The following LAMC1 variants were observed in gnomAD, a reference collection of about 807,000 sequenced individuals.
LAMC1 encodes laminin subunit gamma 1, also known as laminin subunit gamma-1.
Under a neutral mutation model 173.6 loss-of-function variants are expected in LAMC1, and 38 were observed. The observed-to-expected ratio is 0.22, with a 90% CI of 0.17 to 0.29. The LOEUF (loss-of-function observed/expected upper bound fraction) is 0.29. Ranked by LOEUF, LAMC1 falls within the 10% of genes least tolerant of loss-of-function variation. The probability of loss-of-function intolerance (pLI) is 1.00; values close to 1 mark genes in which losing one functional copy is unlikely to be tolerated. For synonymous variants in LAMC1, 746 were observed against 749.1 expected, an observed-to-expected ratio of 1.00 and a Z score of 0.07; for missense variants, 1,824 against 2,051.8, an observed-to-expected ratio of 0.89 and a Z score of 2.14.
intron 2 of LAMC1, 41 bp from the exon 3 acceptor site, chr1:183,108,235 C>T (rs1354492018): frequency 1.3e-6 from 2 of 1,594,422 alleles, no homozygotes; most frequent in Admixed American, 1.7e-5. Context: ...TTTTCAGTCC[C>T]TCCACTTCTC....
intron 1 of LAMC1, among the ~76,000 whole-genome samples, chr1:183,091,484 C>T (rs1247365243): frequency 6.6e-6 from 1 of 152,118 alleles, no homozygotes; most frequent in Non-Finnish European, 1.5e-5. Context: ...CTACCTCCCT[C>T]CCTCTGCCCT....
Position 183,109,539 on chromosome 1 carries a change from A to G in LAMC1, c.855-949A>G, listed in dbSNP as rs1656082960. On this transcript the variant is annotated intron_variant, in intron 3 of 27. Coordinates refer to ENST00000258341, the MANE Select transcript of LAMC1 (RefSeq NM_002293.4). ...AAATAAAGAAGATGAGCTAAACTGA[A>G]GAGTTTGGTTATACATATGTAAAAT... is the stretch of plus-strand genomic sequence containing the variant. Among the ~76,000 whole-genome samples, 3 of 152,224 alleles carry G rather than the reference A, an allele frequency of 2.0e-5. 1 individual carries two copies. The South Asian group carries it at 6.2e-4, about 32-fold the overall frequency.
chr1:183,062,232 C>T (rs376705961), intron 1 of LAMC1, among the ~76,000 whole-genome samples: 8 of 152,128 alleles, frequency 5.3e-5, no homozygotes, highest in East Asian at 1.9e-4. Flanking sequence ...TTCAAAGATA[C>T]GAAGATTCTA....
At chr1:183,053,891 G>T (rs1558033788) in intron 1 of LAMC1, among the ~76,000 whole-genome samples, 1 of 152,154 alleles carries the variant, frequency 6.6e-6, no homozygotes, top group Non-Finnish European at 1.5e-5. Context: ...CTCCCAAAGT[G>T]CTAGGATTAC....
chr1:183,055,512 T>G (rs1654565587), intron 1 of LAMC1, among the ~76,000 whole-genome samples: 1 of 151,836 alleles, frequency 6.6e-6, no homozygotes, highest in African/African-American at 2.4e-5. Context: ...ATGTGAGGAT[T>G]AAATGAAATA....
In LAMC1 at chr1:183,145,144, A is replaced by T. The variant is rs941358190; in HGVS notation, c.*2354A>T. 1.3e-5 allele frequency: 2 copies of T among 152,174 alleles called. No individual in the cohort carries two copies. The highest frequency in any genetic ancestry group is 2.9e-5 in the Non-Finnish European group (2 of 68,016). 9.4% of individuals were successfully genotyped at this position (152,174 alleles called of 1,614,324 possible). On this transcript the variant is annotated 3_prime_UTR_variant, in exon 28 of 28. Transcript: ENST00000258341. ...TTCACTCCAGCAAGTCTCAGGCCAC[A>T]ATGGGGTGGTTTGGTTTGGTTTCCT...
intron 1 of LAMC1, among the ~76,000 whole-genome samples, chr1:183,058,246 T>G (rs1290601732): frequency 4.6e-5 from 7 of 152,222 alleles, no homozygotes; most frequent in African/African-American, 1.2e-4. Context: ...TGCTAGTTTT[T>G]GGTCAGTTGT....
At chr1:183,060,867 T>A (rs1022035552) in intron 1 of LAMC1, among the ~76,000 whole-genome samples, 1 of 152,126 alleles carries the variant, frequency 6.6e-6, no homozygotes. Context: ...TGAGAAAATA[T>A]CGTGTTGAGA....
intron 1 of LAMC1, among the ~76,000 whole-genome samples, chr1:183,061,976 A>G (rs1654754689): frequency 6.6e-6 from 1 of 152,268 alleles, no homozygotes; most frequent in African/African-American, 2.4e-5. Flanking sequence ...TTTTCTGACT[A>G]TAGTGCCAGT....
At chr1:183,130,626 A>G (rs80023749) in intron 19 of LAMC1, 77 bp downstream of exon 19, 4 of 1,151,752 alleles carry the variant, frequency 3.5e-6, no homozygotes, top group Non-Finnish European at 5.1e-6. Flanking sequence ...CTGGCAGTGG[A>G]GTGCTTCTTC....
At chr1:183,102,686 A>T (rs1655865672) in intron 1 of LAMC1, among the ~76,000 whole-genome samples, 1 of 152,046 alleles carries the variant, frequency 6.6e-6, no homozygotes, top group Non-Finnish European at 1.5e-5. Context: ...AACCTTTTTA[A>T]ACCTCCTTTC....
At chr1:183,090,108 T>C (rs1655527761) in intron 1 of LAMC1, among the ~76,000 whole-genome samples, 1 of 152,214 alleles carries the variant, frequency 6.6e-6, no homozygotes. Context: ...ATAAAACCAA[T>C]TCCTCTGCTC....
intron 1 of LAMC1, among the ~76,000 whole-genome samples, chr1:183,077,239 A>G (rs1051546661): frequency 1.2e-4 from 18 of 152,146 alleles, no homozygotes; most frequent in African/African-American, 4.3e-4. Context: ...AGTACCTAGG[A>G]GAATAATTAT....
intron 1 of LAMC1, among the ~76,000 whole-genome samples, chr1:183,024,835 C>T (rs1653642546): frequency 6.6e-6 from 1 of 152,208 alleles, no homozygotes; most frequent in African/African-American, 2.4e-5. Flanking sequence ...TTACTGTCTT[C>T]CCTTTTGCTT....
At chr1:183,082,629 G>A (rs897609437) in intron 1 of LAMC1, among the ~76,000 whole-genome samples, 1 of 152,164 alleles carries the variant, frequency 6.6e-6, no homozygotes, top group Non-Finnish European at 1.5e-5. Flanking sequence ...TTACATTTTA[G>A]AATCACTGCT....
At position 183,099,165 on chromosome 1, in the gene LAMC1, T is replaced by C. The variant is rs572413697; in HGVS notation, c.419-4163T>C. 9.9e-5 allele frequency among the ~76,000 whole-genome samples: 15 copies of C among 152,224 alleles called. No homozygotes were observed. The South Asian group carries it at 3.1e-3, about 32-fold the overall frequency. On this transcript the variant is annotated intron_variant, in intron 1 of 27. Transcript: ENST00000258341. The stretch of plus-strand genomic sequence containing the variant: ...GTGCAATGTCGCGATCTCGGCTCAC[T>C]GCAACCTCCGCCTCCTGAGTTCCAG...
At chr1:183,033,649 GA>G (rs1453437287) in intron 1 of LAMC1, among the ~76,000 whole-genome samples, 1 of 152,076 alleles carries the variant, frequency 6.6e-6, no homozygotes, top group Non-Finnish European at 1.5e-5. Context: ...GAGCCTTTTA[GA>G]AATAAAAAGT....
At chr1:183,066,774 G>A (rs1299890067) in intron 1 of LAMC1, among the ~76,000 whole-genome samples, 1 of 152,150 alleles carries the variant, frequency 6.6e-6, no homozygotes, top group Non-Finnish European at 1.5e-5. Context: ...ATGGACACAG[G>A]GAGGGGAACA....
rs777343740 is a variant in LAMC1, at chr1:183,114,611, A to G, written c.1102A>G (p.Thr368Ala). The G allele has an allele frequency of 8.1e-6, 13 of 1,614,070 alleles. No homozygotes were observed. The South Asian group carries it at 1.4e-4, about 18-fold the overall frequency. ...TTCCACTGGCCATGGGGGCCACTGT[A>G]CCAACTGCCAGGATAACACAGATGG... is the stretch of plus-strand genomic sequence containing the variant. The part of the protein sequence containing the change: ...YRSTGHGGHC[T>A]NCQDNTDGAH... The change falls in exon 5 of 28, where the codon ACC becomes GCC. Residue 368 changes from threonine (T) to alanine (A), a missense_variant. Transcript: ENST00000258341.
Sources: allele counts gnomAD v4.1 joint callset (sites outside exome capture counted in the v4.1 genomes callset), GRCh38; gene constraint gnomAD v4.1.1; transcripts MANE v1.5; gene names NCBI Gene and HGNC (gene_info 2026-07-23, HGNC 2026-07-21).